FAM131B: variants seen among roughly 807,000 people sequenced by gnomAD.
FAM131B encodes family with sequence similarity 131 member B.
Under a neutral mutation model 42.0 loss-of-function variants are expected in FAM131B, and 19 were observed. That is an observed-to-expected ratio of 0.45 (90% CI 0.32 to 0.66). FAM131B has a LOEUF of 0.66. Ranked by LOEUF, FAM131B falls within the 30% of genes least tolerant of loss-of-function variation. The probability of loss-of-function intolerance (pLI) is 0.05; values close to 1 mark genes in which losing one functional copy is unlikely to be tolerated. For missense variants in FAM131B, 370 were observed against 468.4 expected (o/e 0.79, Z 1.94); for synonymous variants, 183 against 177.6 (o/e 1.03, Z -0.24).
rs1330175320 is a variant in FAM131B, at chr7:143,354,140, G to A, written c.*2410C>T. 1 of 151,236 alleles carries A rather than the reference G, an allele frequency of 6.6e-6. No individual in the cohort carries two copies. The highest frequency in any genetic ancestry group is 1.5e-5 in the Non-Finnish European group (1 of 67,974). The allele number at this position is 151,236 out of a possible 1,614,324, so 9.4% of individuals were successfully genotyped here. A position where few individuals can be genotyped will look rare whatever the true frequency, so the allele number is the denominator to read the frequency against. ...CAGCTCCTCAGTCTCCCTCTTCAGA[G>A]CGAGTAGGAGCTCCTTGCAGAAGAC... On this transcript the variant is annotated 3_prime_UTR_variant, in exon 7 of 7. Coordinates refer to ENST00000443739, the MANE Select transcript of FAM131B (RefSeq NM_001031690.3).
At position 143,362,535 on chromosome 7, in the gene FAM131B, C is replaced by G; in HGVS notation, c.28+41G>C. The G allele has an allele frequency of 2.7e-6, 3 of 1,118,072 alleles. No individual in the cohort carries two copies. The highest frequency in any genetic ancestry group is 3.4e-6 in the Non-Finnish European group (3 of 887,446). 69.3% of individuals were successfully genotyped at this position (1,118,072 alleles called of 1,614,324 possible). ...TGGGGGAGGGGGTCGGAGGGCGGCC[C>G]GGGGGGCCCAGCCCTGCCCCCGCCC... On this transcript the variant is annotated intron_variant, in intron 1 of 6. Transcript: ENST00000443739. The surrounding 1 kb of genome is among the most constrained non-coding windows in gnomAD (Gnocchi z 7.7).
chr7:143,367,781 C>T, the FAM131B span, among the ~76,000 whole-genome samples: 1 of 152,168 alleles, frequency 6.6e-6, no homozygotes, highest in East Asian at 1.9e-4. Context: ...AGTCCCCAGG[C>T]GCACACCTCC....
At chr7:143,371,073 A>C in the FAM131B span, among the ~76,000 whole-genome samples, 1 of 151,592 alleles carries the variant, frequency 6.6e-6, no homozygotes, top group Admixed American at 6.6e-5. Context: ...TTTTTTTGTT[A>C]GTTTTTTCCA....
chr7:143,371,297 G>A, the FAM131B span, among the ~76,000 whole-genome samples: 1 of 152,042 alleles, frequency 6.6e-6, no homozygotes, highest in Non-Finnish European at 1.5e-5. Flanking sequence ...ATATATTTAA[G>A]GTGATAATTA....
rs1344305450 is a variant in FAM131B at position 143,362,541 on chromosome 7, G to A, written c.28+35C>T. The stretch of plus-strand genomic sequence containing the variant: ...AGGGGGTCGGAGGGCGGCCCGGGGG[G>A]CCCAGCCCTGCCCCCGCCCGGCCGC... On this transcript the variant is annotated intron_variant, in intron 1 of 6. Transcript: ENST00000443739. The surrounding 1 kb of genome is among the most constrained non-coding windows in gnomAD (Gnocchi z 7.7). 1.7e-6 allele frequency: 2 copies of A among 1,165,460 alleles called. No homozygotes were observed. Among genetic ancestry groups the A allele is most frequent in the South Asian group, 4.3e-5 (1 of 23,134 alleles). 72.2% of individuals were successfully genotyped at this position (1,165,460 alleles called of 1,614,324 possible).
chr7:143,381,404 C>A, the FAM131B span: 3 of 1,220,124 alleles, frequency 2.5e-6, no homozygotes, highest in Non-Finnish European at 3.1e-6. Flanking sequence ...CACGCTCCGG[C>A]CTGCGGTGAG....
chr7:143,359,907 A>T lies in FAM131B; in HGVS notation c.138+133T>A, dbSNP rs1803873516. ...GTTGATGCCGCTAACTGGGTTCTCC[A>T]TGTGGACTGCTTGGCATGTGTTGTG... is the stretch of plus-strand genomic sequence containing the variant. On this transcript the variant is annotated intron_variant, in intron 2 of 6. Transcript: ENST00000443739. The surrounding 1 kb of genome is among the most constrained non-coding windows in gnomAD (Gnocchi z 5.4). 1.0e-6 allele frequency: 1 copy of T among 998,440 alleles called. No individual in the cohort carries two copies. The highest frequency in any genetic ancestry group is 1.6e-5 in the African/African-American group (1 of 62,464). 61.8% of individuals were successfully genotyped at this position (998,440 alleles called of 1,614,324 possible).
rs748160373 is a variant in FAM131B, at chr7:143,359,564, G to A, written c.175-145C>T. 2.2e-6 allele frequency: 2 copies of A among 918,978 alleles called. No homozygotes were observed. The highest frequency in any genetic ancestry group is 1.4e-5 in the South Asian group (1 of 71,170). The allele number at this position is 918,978 out of a possible 1,614,324, so 56.9% of individuals were successfully genotyped here. A position where few individuals can be genotyped will look rare whatever the true frequency, so the allele number is the denominator to read the frequency against. ...AGCTACTATACCCAAGAGTCCCAAG[G>A]AGGGATATATCCCCAGTGCTCTGGA... is the stretch of plus-strand genomic sequence containing the variant. On this transcript the variant is annotated intron_variant, in intron 3 of 6. Transcript: ENST00000443739. The surrounding 1 kb of genome is among the most constrained non-coding windows in gnomAD (Gnocchi z 5.4).
Position 143,360,092 on chromosome 7 carries a change from A to G in FAM131B, c.86T>C (p.Met29Thr). 2 of 1,614,014 alleles carry G rather than the reference A, an allele frequency of 1.2e-6. No individual in the cohort carries two copies. Among genetic ancestry groups the G allele is most frequent in the Non-Finnish European group, 1.7e-6 (2 of 1,179,984 alleles). ...CCCGTGCAGTGAGCTGGTGCTGTCC[A>G]TGTTGATTTGATCGACATCCTTCAG... ...KGLKDVDQIN[M>T]DSTSSLHGSS... The change falls in exon 2 of 7, where the codon ATG becomes ACG. Residue 29 changes from methionine (M) to threonine (T), a missense_variant. Coordinates refer to ENST00000443739, the MANE Select transcript of FAM131B (RefSeq NM_001031690.3).
the FAM131B span, among the ~76,000 whole-genome samples, chr7:143,372,671 T>G: frequency 6.6e-6 from 1 of 152,310 alleles, no homozygotes; most frequent in African/African-American, 2.4e-5. Context: ...CATTAATAAT[T>G]TTTAAGGCCT....
chr7:143,378,180 C>T, the FAM131B span, among the ~76,000 whole-genome samples: 3 of 152,234 alleles, frequency 2.0e-5, no homozygotes, highest in South Asian at 6.2e-4. Flanking sequence ...AACCTCTATC[C>T]ATCTGCAGTT....
At chr7:143,360,290 G>T in intron 1 of FAM131B, 141 bp from the exon 2 acceptor site, 2 of 1,464,182 alleles carry the variant, frequency 1.4e-6, no homozygotes, top group Non-Finnish European at 1.8e-6. Context: ...AATTCTAGGG[G>T]AGACAAGTAG....
chr7:143,373,589 C>T, the FAM131B span, among the ~76,000 whole-genome samples: 4 of 152,020 alleles, frequency 2.6e-5, no homozygotes, highest in Admixed American at 2.0e-4. Context: ...GGCGCTGAGG[C>T]GGTGTGTCCT....
At chr7:143,381,225 C>A in the FAM131B span, 5 of 1,009,438 alleles carry the variant, frequency 5.0e-6, no homozygotes, top group South Asian at 9.3e-5. Context: ...TCCCCGCCCC[C>A]TCTCCGGGCC....
chr7:143,354,213 G>A lies in FAM131B; in HGVS notation c.*2337C>T, dbSNP rs1471852291. 1 of 152,540 alleles carries A rather than the reference G, an allele frequency of 6.6e-6. No individual in the cohort carries two copies. Among genetic ancestry groups the A allele is most frequent in the Non-Finnish European group, 1.5e-5 (1 of 68,062 alleles). 9.4% of individuals were successfully genotyped at this position (152,540 alleles called of 1,614,324 possible). On this transcript the variant is annotated 3_prime_UTR_variant, in exon 7 of 7. Transcript: ENST00000443739. ...TGCAGCAATATGCCAGCACCCTGGG[G>A]AAAGCAGGTTCATGTATGAACCCTG...
intron 1 of FAM131B, chr7:143,360,427 A>G (rs1586538758): frequency 1.5e-6 from 2 of 1,292,904 alleles, no homozygotes; most frequent in East Asian, 7.4e-5. Flanking sequence ...CAGAAAACCA[A>G]TTATTCCGTC....
chr7:143,365,745 C>T (rs192340416), upstream of FAM131B, among the ~76,000 whole-genome samples: 27 of 152,188 alleles, frequency 1.8e-4, 1 homozygote, highest in South Asian at 1.0e-3. Flanking sequence ...GAACTACAGA[C>T]ATGTGCCCCA....
At chr7:143,382,221 C>A in the FAM131B span, 3 of 1,601,564 alleles carry the variant, frequency 1.9e-6, no homozygotes, top group Admixed American at 1.7e-5. Context: ...GGGACCCCGG[C>A]CGACGTCTTT....
rs1336966542 is a variant in FAM131B, at chr7:143,359,701, G to A, written c.174+31C>T. The A allele has an allele frequency of 1.3e-6, 2 of 1,559,492 alleles. No homozygotes were observed. Among genetic ancestry groups the A allele is most frequent in the South Asian group, 2.4e-5 (2 of 84,702 alleles). ...AAGATGAGGAGGAGGAGTTCGGGAGGATGGGGAGGTCTGGGGGCAGCTGCA... is the reference window on the plus strand; with the variant it reads ...AAGATGAGGAGGAGGAGTTCGGGAGAATGGGGAGGTCTGGGGGCAGCTGCA... On this transcript the variant is annotated intron_variant, in intron 3 of 6. Coordinates refer to ENST00000443739, the MANE Select transcript of FAM131B (RefSeq NM_001031690.3). The surrounding 1 kb of genome is among the most constrained non-coding windows in gnomAD (Gnocchi z 5.4).
Sources: gnomAD v4.1 joint callset for allele counts (sites outside exome capture counted in the v4.1 genomes callset) on GRCh38, gnomAD v4.1.1 for gene constraint, Gnocchi (gnomAD v3.1) non-coding constraint, MANE v1.5 for transcripts, NCBI Gene and HGNC (gene_info 2026-07-23, HGNC 2026-07-21) for gene names.